Variants in TUSC3 observed in about 807,000 individuals in gnomAD.
The protein encoded by TUSC3 is dolichyl-diphosphooligosaccharide--protein glycosyltransferase subunit TUSC3.
Under a neutral mutation model 44.8 loss-of-function variants are expected in TUSC3, and 45 were observed. The observed-to-expected ratio is 1.00, with a 90% CI of 0.79 to 1.29. The LOEUF is 1.29. TUSC3 is among the 50% of genes most tolerant of loss of function. The pLI, the probability that TUSC3 is intolerant of heterozygous loss-of-function variation, is 0.00. For synonymous variants in TUSC3, 212 were observed against 152.9 expected, an observed-to-expected ratio of 1.39 and a Z score of -2.85; for missense variants, 519 against 437.9, an observed-to-expected ratio of 1.19 and a Z score of -1.65.
chr8:15,632,726 G>C (rs1331391332), intron 2 of TUSC3, among the ~76,000 whole-genome samples: 2 of 152,088 alleles, frequency 1.3e-5, no homozygotes, highest in Non-Finnish European at 2.9e-5. Context: ...GTAAAGGCAA[G>C]GTTTGCCAAC....
intron 1 of TUSC3, among the ~76,000 whole-genome samples, chr8:15,446,871 A>T (rs555060805): frequency 1.3e-4 from 19 of 148,932 alleles, no homozygotes; most frequent in African/African-American, 4.4e-4. Context: ...ATGGAGATGA[A>T]AGTGAACAAA....
intron 5 of TUSC3, among the ~76,000 whole-genome samples, chr8:15,671,183 A>C (rs1807933236): frequency 6.6e-6 from 1 of 151,974 alleles, no homozygotes. Context: ...TTTCAAGAAA[A>C]TGTTTCTTAC....
At chr8:15,632,106 G>C (rs1015417732) in intron 2 of TUSC3, among the ~76,000 whole-genome samples, 4 of 152,044 alleles carry the variant, frequency 2.6e-5, no homozygotes, top group Admixed American at 2.0e-4. Context: ...TTTAAATTTT[G>C]CATTTGTCTC....
At chr8:15,737,023 TTTTA>T (rs1810965595) in intron 7 of TUSC3, among the ~76,000 whole-genome samples, 1 of 152,172 alleles carries the variant, frequency 6.6e-6, no homozygotes, top group Non-Finnish European at 1.5e-5. Flanking sequence ...AATTTAAAAT[TTTTA>T]TTCTTATAAA....
chr8:15,606,915 CATT>C (rs1041359172), intron 1 of TUSC3, among the ~76,000 whole-genome samples: 2 of 150,502 alleles, frequency 1.3e-5, no homozygotes, highest in Non-Finnish European at 3.0e-5. Context: ...TTTAATAAAA[CATT>C]GTGTGTGTGT....
At chr8:15,768,505 G>C (rs1170924633), downstream of TUSC3, among the ~76,000 whole-genome samples, 3 of 152,072 alleles carry the variant, frequency 2.0e-5, no homozygotes, top group East Asian at 5.8e-4. Context: ...TGCTAGACGA[G>C]GACATTAATG....
At chr8:15,748,140 CCACAAATAGTACATTTTCATTGAGAAGA>C (rs36224858) in intron 8 of TUSC3, among the ~76,000 whole-genome samples, 1,900 of 152,040 alleles carry the variant, frequency 0.012, 34 homozygotes, top group African/African-American at 0.037. Flanking sequence ...TGTTTTCATA[CCACAAATAGTACATTTTCATTGAGAAGA>C]CACAAATAGT....
At chr8:15,796,544 A>G in the TUSC3 span, among the ~76,000 whole-genome samples, 2 of 152,220 alleles carry the variant, frequency 1.3e-5, no homozygotes, top group Admixed American at 1.3e-4. Context: ...CATAGCTGCC[A>G]CTGAGATTCA....
At chr8:15,674,582 A>C (rs551427727) in intron 6 of TUSC3, among the ~76,000 whole-genome samples, 7 of 152,014 alleles carry the variant, frequency 4.6e-5, no homozygotes, top group African/African-American at 1.7e-4. Flanking sequence ...CTCATCTCAT[A>C]ACTATTCTTG....
intron 1 of TUSC3, among the ~76,000 whole-genome samples, chr8:15,450,814 A>G (rs1042891365): frequency 2.0e-5 from 3 of 152,318 alleles, no homozygotes; most frequent in Admixed American, 6.5e-5. Flanking sequence ...TCAGCAGAAA[A>G]GAAACTTATT....
At chr8:15,624,675 G>C (rs1313538319) in intron 2 of TUSC3, among the ~76,000 whole-genome samples, 1 of 152,004 alleles carries the variant, frequency 6.6e-6, no homozygotes, top group Non-Finnish European at 1.5e-5. Flanking sequence ...AGTTTTGAGG[G>C]TTCTTCATAT....
the TUSC3 span, among the ~76,000 whole-genome samples, chr8:15,805,052 T>A: frequency 6.6e-6 from 1 of 152,152 alleles, no homozygotes; most frequent in South Asian, 2.1e-4. Context: ...ACTTCCTCGG[T>A]TAGATGTATT....
At chr8:15,501,106 C>G (rs539510410) in intron 2 of TUSC3, among the ~76,000 whole-genome samples, 2 of 152,174 alleles carry the variant, frequency 1.3e-5, no homozygotes, top group Non-Finnish European at 2.9e-5. Context: ...CATTTGGCCC[C>G]TAGCATCTCC....
At chr8:15,555,604 C>T (rs1434296428) in intron 1 of TUSC3, among the ~76,000 whole-genome samples, 3 of 151,514 alleles carry the variant, frequency 2.0e-5, no homozygotes, top group Admixed American at 1.3e-4. Flanking sequence ...AATTGTTAGG[C>T]AGTTAATGGT....
At chr8:15,530,152 C>T (rs1801431490) in intron 2 of TUSC3, among the ~76,000 whole-genome samples, 2 of 152,096 alleles carry the variant, frequency 1.3e-5, no homozygotes, top group South Asian at 4.1e-4. Context: ...GAAGTCTCTG[C>T]TTACATCTTT....
At chr8:15,497,646 A>G (rs546985574) in intron 2 of TUSC3, among the ~76,000 whole-genome samples, 32 of 152,322 alleles carry the variant, frequency 2.1e-4, no homozygotes, top group African/African-American at 7.7e-4. Flanking sequence ...GAGTTTTGCT[A>G]TGAAGGAGGA....
intron 2 of TUSC3, among the ~76,000 whole-genome samples, chr8:15,623,672 C>G (rs186339709): frequency 6.6e-6 from 1 of 151,902 alleles, no homozygotes; most frequent in Admixed American, 6.6e-5. Context: ...TAGAAGTAAA[C>G]AGTTTTAAAT....
chr8:15,815,089 A>G, the TUSC3 span, among the ~76,000 whole-genome samples: 1 of 152,202 alleles, frequency 6.6e-6, no homozygotes, highest in African/African-American at 2.4e-5. Context: ...GTAATGAGAT[A>G]TAAGTAATGA....
chr8:15,777,469 T>C, the TUSC3 span, among the ~76,000 whole-genome samples: 4 of 152,214 alleles, frequency 2.6e-5, no homozygotes, highest in African/African-American at 7.2e-5. Flanking sequence ...TGTATGCTGC[T>C]TAAATACACA....
Sources: allele counts gnomAD v4.1 joint callset (sites outside exome capture counted in the v4.1 genomes callset), GRCh38; gene constraint gnomAD v4.1.1; transcripts MANE v1.5; gene names NCBI Gene and HGNC (gene_info 2026-07-23, HGNC 2026-07-21).